The following ABCA12 variants were observed in gnomAD, a reference collection of about 807,000 sequenced individuals.
The protein encoded by ABCA12 is ATP binding cassette subfamily A member 12.
ABCA12 carries 156 observed loss-of-function variants against 293.5 expected under a neutral mutation model. The ratio of observed to expected loss-of-function variants is 0.53; its 90% CI spans 0.47 to 0.61. ABCA12 has a LOEUF of 0.61. Among genes scored for constraint, ABCA12 ranks in the 20% least tolerant of loss-of-function variants. The pLI is 0.00. For synonymous variants in ABCA12, 1,063 were observed against 1,108.0 expected, an observed-to-expected ratio of 0.96 and a Z score of 0.81; for missense variants, 2,797 against 3,090.2, an observed-to-expected ratio of 0.91 and a Z score of 2.25.
chr2:215,001,115 A>G lies in ABCA12; in HGVS notation c.2864-95T>C, dbSNP rs191975850. 3.0e-4 allele frequency: 369 copies of G among 1,215,154 alleles called. No homozygotes were observed. In the African/African-American group the frequency reaches 4.7e-3, roughly 16 times the overall value. 75.3% of individuals were successfully genotyped at this position (1,215,154 alleles called of 1,614,324 possible). ...ACACAGAGGGGACAGCCAAACAGTC[A>G]ATTGAGTTAGTAATGTGACAGTAGG... On this transcript the variant is annotated intron_variant, in intron 21 of 52. Transcript: ENST00000272895.
chr2:214,972,590 T>C (rs112777243), intron 36 of ABCA12, among the ~76,000 whole-genome samples: 202 of 152,134 alleles, frequency 1.3e-3, no homozygotes, highest in African/African-American at 4.6e-3. Context: ...AAATTTTTTG[T>C]AGAGATGAGG....
At chr2:215,095,571 G>A (rs764678191) in intron 2 of ABCA12, among the ~76,000 whole-genome samples, 2 of 151,904 alleles carry the variant, frequency 1.3e-5, no homozygotes, top group Non-Finnish European at 2.9e-5. Context: ...GAGACATCAC[G>A]CATTATCTCT....
At chr2:215,004,574 T>C (rs1455937622) in intron 19 of ABCA12, among the ~76,000 whole-genome samples, 2 of 152,254 alleles carry the variant, frequency 1.3e-5, no homozygotes, top group Non-Finnish European at 2.9e-5. Context: ...TAGAAATTTA[T>C]ATTCGATTTA....
chr2:215,117,895 G>T (rs980775121), intron 1 of ABCA12, among the ~76,000 whole-genome samples: 4 of 152,160 alleles, frequency 2.6e-5, no homozygotes, highest in African/African-American at 9.7e-5. Context: ...GAGGTGTTTT[G>T]TTTCTTTCAC....
At chr2:214,985,482 A>C (rs1699765295) in intron 28 of ABCA12, among the ~76,000 whole-genome samples, 1 of 152,136 alleles carries the variant, frequency 6.6e-6, no homozygotes, top group African/African-American at 2.4e-5. Context: ...GTGATGAAAT[A>C]ATCTGTAAAA....
chr2:215,009,713 T>C (rs1173260101), intron 18 of ABCA12, among the ~76,000 whole-genome samples: 1 of 152,156 alleles, frequency 6.6e-6, no homozygotes, highest in Non-Finnish European at 1.5e-5. Context: ...CAAGTAATGG[T>C]AAAACAGAGA....
At chr2:214,944,374 T>C (rs892194418) in intron 49 of ABCA12, among the ~76,000 whole-genome samples, 1 of 151,844 alleles carries the variant, frequency 6.6e-6, no homozygotes, top group African/African-American at 2.4e-5. Context: ...GTTGTGCCAC[T>C]GTACTCCAGC....
Position 214,951,100 on chromosome 2 carries a change from T to C in ABCA12, c.6648-17A>G. ...AAGAAAAGCCTAAAAATGGACCCAG[T>C]GATTTTACGTCAATGATTTTGAAAT... On this transcript the variant is annotated splice_polypyrimidine_tract_variant and intron_variant, in intron 44 of 52. Coordinates refer to ENST00000272895, the MANE Select transcript of ABCA12 (RefSeq NM_173076.3). The C allele has an allele frequency of 6.2e-7, 1 of 1,602,518 alleles. No homozygotes were observed. The highest frequency in any genetic ancestry group is 8.5e-7 in the Non-Finnish European group (1 of 1,170,192).
intron 1 of ABCA12, among the ~76,000 whole-genome samples, chr2:215,112,623 G>A (rs777763202): frequency 3.3e-5 from 5 of 151,304 alleles, no homozygotes; most frequent in Middle Eastern, 3.4e-3. Context: ...TCAGTCTCCC[G>A]AGTAGCTAGG....
At chr2:214,999,191 T>A (rs1700093664) in intron 22 of ABCA12, among the ~76,000 whole-genome samples, 2 of 152,222 alleles carry the variant, frequency 1.3e-5, no homozygotes, top group African/African-American at 4.8e-5. Context: ...GAATGAATTT[T>A]GTTTTGGTTC....
intron 2 of ABCA12, among the ~76,000 whole-genome samples, chr2:215,090,127 A>G (rs1025695309): frequency 2.0e-5 from 3 of 152,040 alleles, no homozygotes; most frequent in Admixed American, 2.0e-4. Context: ...CCTGCAAGAG[A>G]ACAACCCCCT....
chr2:214,995,559 G>C (rs2038958), intron 23 of ABCA12, among the ~76,000 whole-genome samples: 147,924 of 152,294 alleles, frequency 0.97, 71,960 homozygotes, highest in East Asian at 1. Flanking sequence ...TCTTCAGCAA[G>C]TCACTTCTCA....
intron 2 of ABCA12, among the ~76,000 whole-genome samples, chr2:215,065,169 A>T (rs1175793690): frequency 1.3e-5 from 2 of 151,812 alleles, no homozygotes. Flanking sequence ...ATCTTTTCAC[A>T]ATTAGGTTTG....
At chr2:214,983,315 C>T (rs1699710255) in intron 29 of ABCA12, among the ~76,000 whole-genome samples, 1 of 152,098 alleles carries the variant, frequency 6.6e-6, no homozygotes, top group South Asian at 2.1e-4. Context: ...CCTGGTTGCT[C>T]TTTGAAGAAC....
chr2:215,030,986 T>C (rs986738127), intron 9 of ABCA12, among the ~76,000 whole-genome samples: 7 of 152,206 alleles, frequency 4.6e-5, no homozygotes, highest in African/African-American at 1.4e-4. Context: ...AAGCAATCTT[T>C]ACCTAACAGG....
At chr2:215,061,464 G>C (rs1336811496) in intron 3 of ABCA12, among the ~76,000 whole-genome samples, 7 of 151,962 alleles carry the variant, frequency 4.6e-5, no homozygotes, top group Admixed American at 2.6e-4. Flanking sequence ...AACAGAAAAG[G>C]AAGACTGTTT....
At chr2:214,947,943 G>A (rs1698634016) in intron 47 of ABCA12, 1 of 269,930 alleles carries the variant, frequency 3.7e-6, no homozygotes, top group Non-Finnish European at 7.2e-6. Flanking sequence ...TCTCCTTACT[G>A]AGGGGTGAGT....
intron 2 of ABCA12, among the ~76,000 whole-genome samples, chr2:215,077,568 A>G (rs1701857625): frequency 1.3e-5 from 2 of 152,096 alleles, no homozygotes; most frequent in African/African-American, 2.4e-5. Flanking sequence ...GTTCCATTAT[A>G]TATTACCTCT....
intron 11 of ABCA12, chr2:215,022,000 T>C (rs960178108): frequency 3.9e-5 from 6 of 152,164 alleles, no homozygotes; most frequent in Admixed American, 1.3e-4. Flanking sequence ...CATTTGCCAC[T>C]CTAGTCTTTC....
Sources: gnomAD v4.1 joint callset for allele counts (sites outside exome capture counted in the v4.1 genomes callset) on GRCh38, gnomAD v4.1.1 for gene constraint, MANE v1.5 for transcripts, NCBI Gene and HGNC (gene_info 2026-07-23, HGNC 2026-07-21) for gene names.